Variants in GNAL observed in about 807,000 individuals in gnomAD.
GNAL encodes the protein G protein subunit alpha L.
In GNAL, 18 loss-of-function variants were observed where a neutral mutation model predicts 55.1. The ratio of observed to expected loss-of-function variants is 0.33; its 90% CI spans 0.23 to 0.48. The LOEUF is 0.48. Among genes scored for constraint, GNAL ranks in the 20% least tolerant of loss-of-function variants. The pLI is 0.99. For synonymous variants in GNAL, 253 were observed against 237.0 expected, an observed-to-expected ratio of 1.07 and a Z score of -0.62; for missense variants, 412 against 614.1, an observed-to-expected ratio of 0.67 and a Z score of 3.48.
chr18:11,869,916 G>A (rs771092387), intron 9 of GNAL, among the ~76,000 whole-genome samples: 3 of 151,792 alleles, frequency 2.0e-5, no homozygotes, highest in African/African-American at 4.8e-5. Flanking sequence ...CTCAAAAAAC[G>A]TAATTAATTA....
intron 10 of GNAL, among the ~76,000 whole-genome samples, chr18:11,875,562 G>T (rs2036511359): frequency 1.3e-5 from 2 of 152,148 alleles, no homozygotes; most frequent in South Asian, 2.1e-4. Flanking sequence ...TCATTTAACA[G>T]GGTGTAGCAC....
intron 4 of GNAL, among the ~76,000 whole-genome samples, chr18:11,799,808 T>C (rs1179544793): frequency 6.6e-6 from 1 of 152,178 alleles, no homozygotes; most frequent in Non-Finnish European, 1.5e-5. Flanking sequence ...GGACTGACAA[T>C]GGCACAGTTT....
chr18:11,707,051 A>C (rs2031730351), intron 1 of GNAL, among the ~76,000 whole-genome samples: 1 of 152,148 alleles, frequency 6.6e-6, no homozygotes, highest in African/African-American at 2.4e-5. Flanking sequence ...TCTGTCACCC[A>C]GGCTGGAGTG....
chr18:11,809,516 T>A (rs2034755101), intron 4 of GNAL, among the ~76,000 whole-genome samples: 1 of 152,112 alleles, frequency 6.6e-6, no homozygotes, highest in African/African-American at 2.4e-5. Flanking sequence ...GTGGATCACT[T>A]GAGGCCAGGA....
At chr18:11,825,713 A>G (rs1424787757) in intron 5 of GNAL, among the ~76,000 whole-genome samples, 2 of 127,608 alleles carry the variant, frequency 1.6e-5, no homozygotes, top group Non-Finnish European at 3.2e-5. Context: ...CCTGGGCGAC[A>G]GATGAGACTC....
intron 4 of GNAL, among the ~76,000 whole-genome samples, chr18:11,816,070 T>G (rs1162779920): frequency 1.3e-5 from 2 of 152,284 alleles, no homozygotes; most frequent in East Asian, 3.9e-4. Flanking sequence ...TTTGACAATT[T>G]TTAAAACTTA....
intron 4 of GNAL, among the ~76,000 whole-genome samples, chr18:11,759,041 C>T (rs2033153883): frequency 1.3e-5 from 2 of 152,006 alleles, no homozygotes; most frequent in African/African-American, 4.8e-5. Flanking sequence ...GGCATGGTGG[C>T]GGGCGCCTGT....
At chr18:11,809,916 T>TA (rs2034765731) in intron 4 of GNAL, among the ~76,000 whole-genome samples, 1 of 152,260 alleles carries the variant, frequency 6.6e-6, no homozygotes, top group Admixed American at 6.5e-5. Context: ...TTGACAGACT[T>TA]ACAGCTACTG....
chr18:11,754,997 T>A (rs946890722), intron 4 of GNAL, among the ~76,000 whole-genome samples: 24 of 70,452 alleles, frequency 3.4e-4, no homozygotes, highest in South Asian at 7.4e-4. Context: ...AGTGAGTGTG[T>A]ATGTGTGTGT....
At chr18:11,702,887 G>A (rs2143326356) in intron 1 of GNAL, among the ~76,000 whole-genome samples, 1 of 152,150 alleles carries the variant, frequency 6.6e-6, no homozygotes, top group South Asian at 2.1e-4. Flanking sequence ...GGAGGCTGAG[G>A]CGGGTAGATC....
intron 4 of GNAL, among the ~76,000 whole-genome samples, chr18:11,763,318 T>A (rs2033303087): frequency 6.6e-6 from 1 of 152,222 alleles, no homozygotes; most frequent in South Asian, 2.1e-4. Context: ...TCTAACTACA[T>A]CAGTGTGTAT....
At chr18:11,776,110 C>T (rs950572322) in intron 4 of GNAL, among the ~76,000 whole-genome samples, 4 of 152,320 alleles carry the variant, frequency 2.6e-5, no homozygotes, top group Non-Finnish European at 4.4e-5. Flanking sequence ...TCCAGAGCGC[C>T]TCTTTGCTCA....
Position 11,872,259 on chromosome 18 carries a change from CT to C in GNAL, c.1032-3del. On this transcript the variant is annotated splice_region_variant and splice_polypyrimidine_tract_variant and intron_variant, in intron 9 of 11. Transcript: ENST00000334049. ...TGTGAAATTTGTATGTTTATTTTTCCTTTTTTAGGTGGTTACGGACCATTTC... is the reference window on the plus strand; with the variant it reads ...TGTGAAATTTGTATGTTTATTTTTCCTTTTTAGGTGGTTACGGACCATTTC... 6 of 1,559,486 alleles carry C rather than the reference CT, an allele frequency of 3.8e-6. No individual in the cohort carries two copies. Among genetic ancestry groups the C allele is most frequent in the East Asian group, 2.3e-5 (1 of 42,636 alleles).
intron 5 of GNAL, among the ~76,000 whole-genome samples, chr18:11,861,282 G>GC (rs2036130520): frequency 6.6e-6 from 1 of 151,710 alleles, no homozygotes; most frequent in Non-Finnish European, 1.5e-5. Flanking sequence ...TCCTTCTAGG[G>GC]TCCCTGCTGC....
At chr18:11,695,530 A>G (rs138568390) in intron 1 of GNAL, among the ~76,000 whole-genome samples, 339 of 152,342 alleles carry the variant, frequency 2.2e-3, no homozygotes, top group African/African-American at 7.9e-3. Flanking sequence ...TTTTTCTGCT[A>G]TTGAGTCCAT....
intron 6 of GNAL, 63 bp downstream of exon 6, chr18:11,862,512 T>G: frequency 7.9e-7 from 1 of 1,262,682 alleles, no homozygotes; most frequent in Non-Finnish European, 1.2e-6. Flanking sequence ...CCAATATGAT[T>G]TAATGATTAT....
At chr18:11,865,599 A>T (rs1158899993) in intron 7 of GNAL, among the ~76,000 whole-genome samples, 1 of 148,082 alleles carries the variant, frequency 6.8e-6, no homozygotes, top group Middle Eastern at 3.2e-3. Flanking sequence ...AAAAAAAAAA[A>T]AAAAAATTAG....
At chr18:11,695,368 G>A (rs969523249) in intron 1 of GNAL, among the ~76,000 whole-genome samples, 2 of 152,138 alleles carry the variant, frequency 1.3e-5, no homozygotes, top group African/African-American at 4.8e-5. Context: ...CTAGGCTTTC[G>A]GGGCTCACGC....
At chr18:11,847,692 G>A (rs750342734) in intron 5 of GNAL, among the ~76,000 whole-genome samples, 43 of 151,908 alleles carry the variant, frequency 2.8e-4, no homozygotes, top group Non-Finnish European at 5.6e-4. Context: ...CAATGTTAAC[G>A]TGGTAGTTGC....
Sources: gnomAD v4.1 joint callset for allele counts (sites outside exome capture counted in the v4.1 genomes callset) on GRCh38, gnomAD v4.1.1 for gene constraint, MANE v1.5 for transcripts, NCBI Gene and HGNC (gene_info 2026-07-23, HGNC 2026-07-21) for gene names.